DDX10: variants seen among roughly 807,000 people sequenced by gnomAD.
DDX10 encodes DEAD-box helicase 10.
Under a neutral mutation model 104.3 loss-of-function variants are expected in DDX10, and 74 were observed. The ratio of observed to expected loss-of-function variants is 0.71; its 90% confidence interval spans 0.59 to 0.86. The LOEUF is 0.86. DDX10 is among the 40% of genes least tolerant of loss of function. The pLI is 0.00. For missense variants in DDX10, 952 were observed against 1,040.0 expected, an observed-to-expected ratio of 0.92 and a Z score of 1.16; for synonymous variants, 351 against 353.4, an observed-to-expected ratio of 0.99 and a Z score of 0.08.
chr11:108,710,128 C>T (rs1424362074), intron 10 of DDX10, among the ~76,000 whole-genome samples: 1 of 152,148 alleles, frequency 6.6e-6, no homozygotes, highest in Non-Finnish European at 1.5e-5. Flanking sequence ...AGCATACCTG[C>T]ATAGGGCACT....
chr11:108,816,952 T>C (rs1369175644), intron 13 of DDX10, among the ~76,000 whole-genome samples: 1 of 152,234 alleles, frequency 6.6e-6, no homozygotes, highest in Non-Finnish European at 1.5e-5. Context: ...AACAAGATTA[T>C]GTCATGTATC....
intron 13 of DDX10, among the ~76,000 whole-genome samples, chr11:108,774,594 G>A (rs957315595): frequency 6.6e-5 from 10 of 151,894 alleles, no homozygotes; most frequent in Admixed American, 2.6e-4. Flanking sequence ...ACTTGATTAC[G>A]TTAGAGAACA....
intron 1 of DDX10, among the ~76,000 whole-genome samples, chr11:108,668,315 A>G (rs1001707783): frequency 2.0e-5 from 3 of 152,216 alleles, no homozygotes; most frequent in Admixed American, 6.5e-5. Context: ...CAGTGCACCA[A>G]ACCAGTAGGC....
intron 6 of DDX10, among the ~76,000 whole-genome samples, chr11:108,683,713 T>C (rs568111287): frequency 6.6e-6 from 1 of 152,348 alleles, no homozygotes; most frequent in Admixed American, 6.5e-5. Flanking sequence ...AATTCTATTA[T>C]TTCTTCATTA....
chr11:108,841,781 G>A (rs183348489), intron 15 of DDX10, among the ~76,000 whole-genome samples: 182 of 152,200 alleles, frequency 1.2e-3, no homozygotes, highest in Non-Finnish European at 2.3e-3. Context: ...ACTTGTAGTT[G>A]ATAGAGATAT....
chr11:108,729,013 G>A (rs2094308699), intron 13 of DDX10, among the ~76,000 whole-genome samples: 1 of 152,008 alleles, frequency 6.6e-6, no homozygotes. Context: ...TAATTGGCAG[G>A]TTTCTTCTCT....
At chr11:108,751,692 A>G (rs940059463) in intron 13 of DDX10, among the ~76,000 whole-genome samples, 1 of 152,232 alleles carries the variant, frequency 6.6e-6, no homozygotes, top group African/African-American at 2.4e-5. Flanking sequence ...AAGTTGATTT[A>G]CAGCATAATT....
intron 15 of DDX10, among the ~76,000 whole-genome samples, chr11:108,847,795 T>C (rs943794618): frequency 6.6e-6 from 1 of 152,204 alleles, no homozygotes; most frequent in South Asian, 2.1e-4. Context: ...TATCGTCATA[T>C]TATATGCTAA....
intron 13 of DDX10, among the ~76,000 whole-genome samples, chr11:108,811,978 TG>T (rs1222621608): frequency 6.6e-6 from 1 of 152,182 alleles, no homozygotes; most frequent in Non-Finnish European, 1.5e-5. Flanking sequence ...GTTATACTTA[TG>T]TGGAAGATCT....
intron 13 of DDX10, among the ~76,000 whole-genome samples, chr11:108,793,875 A>G (rs1861904118): frequency 1.1e-5 from 1 of 91,554 alleles, no homozygotes; most frequent in Non-Finnish European, 2.1e-5. Context: ...TTTTACCTCC[A>G]TGAGATAAAT....
intron 13 of DDX10, among the ~76,000 whole-genome samples, chr11:108,723,877 G>A (rs966784995): frequency 3.9e-5 from 6 of 152,100 alleles, no homozygotes; most frequent in Admixed American, 2.0e-4. Context: ...CTCTTAGTGC[G>A]ACATTTGTTT....
chr11:108,917,768 C>G (rs1337390388), intron 16 of DDX10, 105 bp from the exon 17 acceptor site: 9 of 1,123,178 alleles, frequency 8.0e-6, no homozygotes, highest in Admixed American at 2.2e-5. Flanking sequence ...GAAAGCTAAT[C>G]TGTGGATGTC....
At chr11:108,829,751 T>A (rs1236237683) in intron 13 of DDX10, among the ~76,000 whole-genome samples, 1 of 152,238 alleles carries the variant, frequency 6.6e-6, no homozygotes, top group Non-Finnish European at 1.5e-5. Context: ...CTTGAGTTGA[T>A]TTTTGTGTAA....
intron 13 of DDX10, among the ~76,000 whole-genome samples, chr11:108,742,601 A>T (rs1308101225): frequency 6.6e-6 from 1 of 152,174 alleles, no homozygotes; most frequent in African/African-American, 2.4e-5. Flanking sequence ...ACAAAAGATC[A>T]ATAAATCCAG....
intron 16 of DDX10, among the ~76,000 whole-genome samples, chr11:108,883,303 T>C (rs1863251028): frequency 6.6e-6 from 1 of 152,158 alleles, no homozygotes; most frequent in Non-Finnish European, 1.5e-5. Flanking sequence ...GAGAAAACAG[T>C]AGTAATTCAA....
chr11:108,893,831 C>G (rs963109106), intron 16 of DDX10, among the ~76,000 whole-genome samples: 2 of 151,888 alleles, frequency 1.3e-5, no homozygotes, highest in Admixed American at 1.3e-4. Flanking sequence ...TTTCTTTTCT[C>G]CAGAGAAAGT....
chr11:108,824,127 C>T (rs535844405), intron 13 of DDX10, among the ~76,000 whole-genome samples: 1 of 152,314 alleles, frequency 6.6e-6, no homozygotes, highest in South Asian at 2.1e-4. Context: ...ACTGCAACCT[C>T]TGCCTGCCAG....
At chr11:108,938,025 T>C (rs1055141022) in intron 17 of DDX10, among the ~76,000 whole-genome samples, 3 of 152,184 alleles carry the variant, frequency 2.0e-5, no homozygotes, top group African/African-American at 7.2e-5. Flanking sequence ...AGGAACCCCC[T>C]CATTGTCAGT....
chr11:108,826,972 C>G (rs1463599798), intron 13 of DDX10, among the ~76,000 whole-genome samples: 1 of 152,142 alleles, frequency 6.6e-6, no homozygotes, highest in Non-Finnish European at 1.5e-5. Flanking sequence ...AATTATGATG[C>G]TACAATCTTC....
Sources: allele counts gnomAD v4.1 joint callset (sites outside exome capture counted in the v4.1 genomes callset), GRCh38; gene constraint gnomAD v4.1.1; transcripts MANE v1.5; gene names NCBI Gene and HGNC (gene_info 2026-07-23, HGNC 2026-07-21).